KCNIP2: variants seen among roughly 807,000 people sequenced by gnomAD.
The protein encoded by KCNIP2 is potassium voltage-gated channel interacting protein 2.
Under a neutral mutation model 39.0 loss-of-function variants are expected in KCNIP2, and 19 were observed. That is an observed-to-expected ratio of 0.49 (90% CI 0.34 to 0.71). KCNIP2 has a LOEUF of 0.71. Among genes scored for constraint, KCNIP2 ranks in the 30% least tolerant of loss-of-function variants. The probability of loss-of-function intolerance (pLI) is 0.01; values close to 1 mark genes in which losing one functional copy is unlikely to be tolerated. For synonymous variants in KCNIP2, 111 were observed against 131.2 expected (o/e 0.85, Z 1.05); for missense variants, 261 against 346.0 (o/e 0.75, Z 1.95).
intron 3 of KCNIP2, 66 bp downstream of exon 3, chr10:101,829,778 T>C (rs1411986768): frequency 1.3e-5 from 2 of 153,660 alleles, no homozygotes; most frequent in African/African-American, 5.3e-5. Context: ...CCCAGGCAAG[T>C]GCCCCCCACC....
chr10:101,829,883 CT>C lies in KCNIP2; in HGVS notation c.183del (p.Ala62ProfsTer110), dbSNP rs1564663676. ...CGGGGTCTGTGGGGGCGGAGGGAGG[CT>C]GGGGCGGCTAATGCTGAAGGGAGCG... The part of the protein sequence containing the change: ...LPSVSETLAA[P>X]ASLRPHRPRL... On this transcript the variant is annotated frameshift_variant, in exon 3 of 10. Coordinates refer to ENST00000356640, the MANE Select transcript of KCNIP2 (RefSeq NM_173191.3). LOFTEE classifies it high-confidence loss of function. 3 of 1,515,740 alleles carry C rather than the reference CT, an allele frequency of 2.0e-6. No individual in the cohort carries two copies. Among genetic ancestry groups the C allele is most frequent in the Non-Finnish European group, 2.6e-6 (3 of 1,135,084 alleles). The allele number at this position is 1,515,740 out of a possible 1,614,324, so 93.9% of individuals were successfully genotyped here.
chr10:101,836,466 C>A (rs1315581326), intron 1 of KCNIP2, among the ~76,000 whole-genome samples: 1 of 151,944 alleles, frequency 6.6e-6, no homozygotes, highest in Admixed American at 6.6e-5. Flanking sequence ...GAACTCCTGG[C>A]CTGAAGTGAT....
chr10:101,843,665 T>G lies in KCNIP2; in HGVS notation c.-97A>C. The stretch of plus-strand genomic sequence containing the variant: ...GGCGCCCCCTGGCGGCCTACTGTGC[T>G]GTCGGGGCTGGGGAAGTCCGGGCTG... On this transcript the variant is annotated 5_prime_UTR_variant, in exon 1 of 10. Transcript: ENST00000356640. The surrounding 1 kb of genome is among the most constrained non-coding windows in gnomAD (Gnocchi z 6.7). The G allele has an allele frequency of 1.6e-6, 1 of 618,500 alleles. No individual in the cohort carries two copies. The highest frequency in any genetic ancestry group is 2.6e-6 in the Non-Finnish European group (1 of 386,370). 38.3% of individuals were successfully genotyped at this position (618,500 alleles called of 1,614,324 possible).
At chr10:101,829,937 G>A (rs763097435) in intron 2 of KCNIP2, 40 bp from the exon 3 acceptor site, 9 of 1,538,564 alleles carry the variant, frequency 5.8e-6, no homozygotes, top group Non-Finnish European at 7.9e-6. Context: ...CGGAAGACCC[G>A]GCCAACTGCA....
At chr10:101,836,703 C>G (rs1055149280) in intron 1 of KCNIP2, among the ~76,000 whole-genome samples, 1 of 152,074 alleles carries the variant, frequency 6.6e-6, no homozygotes, top group African/African-American at 2.4e-5. Context: ...TGGCTCATGC[C>G]TGTAATCCCA....
chr10:101,836,699 A>G (rs1468427276), intron 1 of KCNIP2, among the ~76,000 whole-genome samples: 3 of 151,966 alleles, frequency 2.0e-5, no homozygotes, highest in Non-Finnish European at 4.4e-5. Flanking sequence ...AAGGTGGCTC[A>G]TGCCTGTAAT....
chr10:101,827,158 C>A lies in KCNIP2; in HGVS notation c.*195G>T. 1.6e-6 allele frequency: 2 copies of A among 1,271,506 alleles called. No homozygotes were observed. 78.8% of individuals were successfully genotyped at this position (1,271,506 alleles called of 1,614,324 possible). ...GCTGGTGGGAGTTGGGAACACCCCC[C>A]GAGATGCACTCTGCCCACTCTCTGG... On this transcript the variant is annotated 3_prime_UTR_variant, in exon 10 of 10. Transcript: ENST00000356640.
At chr10:101,840,818 T>A (rs1050427838) in intron 1 of KCNIP2, among the ~76,000 whole-genome samples, 1 of 152,094 alleles carries the variant, frequency 6.6e-6, no homozygotes, top group Non-Finnish European at 1.5e-5. Context: ...AGCAGCTCCG[T>A]GCGCATGGCT....
intron 1 of KCNIP2, among the ~76,000 whole-genome samples, chr10:101,839,527 C>T (rs1317675512): frequency 6.6e-6 from 1 of 152,116 alleles, no homozygotes; most frequent in Non-Finnish European, 1.5e-5. Context: ...CTTGATGCCC[C>T]TCTCCTTTCC....
chr10:101,833,318 G>T (rs2066052639), intron 1 of KCNIP2, among the ~76,000 whole-genome samples: 1 of 152,106 alleles, frequency 6.6e-6, no homozygotes, highest in Admixed American at 6.5e-5. Flanking sequence ...TTTGGGGTGG[G>T]CTGGGGAGGG....
chr10:101,839,778 C>T lies in KCNIP2; in HGVS notation c.73+3718G>A, dbSNP rs748069793. On this transcript the variant is annotated intron_variant, in intron 1 of 9. Coordinates refer to ENST00000356640, the MANE Select transcript of KCNIP2 (RefSeq NM_173191.3). ...CTGGGGACAGCGACCCAGTCACCAG[C>T]TGGTAGAGGGATCGCGCTGCCTGCC... is the stretch of plus-strand genomic sequence containing the variant. 1.6e-5 allele frequency: 26 copies of T among 1,612,494 alleles called. No homozygotes were observed. The East Asian group carries it at 5.8e-4, about 36-fold the overall frequency.
At chr10:101,836,778 T>C (rs1167461542) in intron 1 of KCNIP2, among the ~76,000 whole-genome samples, 1 of 152,090 alleles carries the variant, frequency 6.6e-6, no homozygotes, top group Non-Finnish European at 1.5e-5. Context: ...CTGGCCAAAA[T>C]GGTGAAACCC....
At chr10:101,836,859 G>A (rs188726671) in intron 1 of KCNIP2, among the ~76,000 whole-genome samples, 1 of 152,314 alleles carries the variant, frequency 6.6e-6, no homozygotes, top group East Asian at 1.9e-4. Context: ...TACTTGGGAG[G>A]CTGAGGCAGG....
intron 1 of KCNIP2, among the ~76,000 whole-genome samples, chr10:101,840,771 A>T (rs551051287): frequency 6.6e-6 from 1 of 152,174 alleles, no homozygotes; most frequent in Non-Finnish European, 1.5e-5. Context: ...ACTCTGGGCA[A>T]ATCTTGTCCA....
chr10:101,829,718 A>AACCCCCC, intron 3 of KCNIP2, 126 bp downstream of exon 3: 1 of 111,666 alleles, frequency 9.0e-6, no homozygotes, highest in Non-Finnish European at 1.8e-5. Context: ...CTCCATCCAG[A>AACCCCCC]CCCCACCCCC....
intron 1 of KCNIP2, among the ~76,000 whole-genome samples, chr10:101,842,778 C>A (rs1589885132): frequency 6.6e-6 from 1 of 152,172 alleles, no homozygotes; most frequent in East Asian, 1.9e-4. Flanking sequence ...AGGGATGAGA[C>A]ACGTCATAGA....
chr10:101,838,884 C>T lies in KCNIP2; in HGVS notation c.73+4612G>A, dbSNP rs957142823. Among the ~76,000 whole-genome samples the T allele has an allele frequency of 6.6e-6, 1 of 152,160 alleles. No homozygotes were observed. On this transcript the variant is annotated intron_variant, in intron 1 of 9. Coordinates refer to ENST00000356640, the MANE Select transcript of KCNIP2 (RefSeq NM_173191.3). The surrounding 1 kb of genome is among the most constrained non-coding windows in gnomAD (Gnocchi z 4.0). ...TGTTTGAGGTCAGGTACAGAGGAGA[C>T]GTTGCGTTCTATGGGCCCTGCCCAA... is the stretch of plus-strand genomic sequence containing the variant.
In KCNIP2 at chr10:101,829,146, G is replaced by C. The variant is rs200389374; in HGVS notation, c.277C>G (p.Leu93Val). The C allele has an allele frequency of 7.4e-6, 12 of 1,614,202 alleles. No individual in the cohort carries two copies. In the East Asian group the frequency reaches 2.7e-4, roughly 36 times the overall value. The change falls in exon 4 of 10, where the codon CTG (leucine) becomes GTG (valine). Residue 93 changes from leucine (L) to valine (V), a missense_variant. Coordinates refer to ENST00000356640, the MANE Select transcript of KCNIP2 (RefSeq NM_173191.3). Reference sequence around the variant, plus strand: ...TTGGTTTGCTCCTGCAGCTGCTCCAGACCCTCAGGCCGGTGACACACGGTG... The same window carrying C: ...TTGGTTTGCTCCTGCAGCTGCTCCACACCCTCAGGCCGGTGACACACGGTG... ...LSTVCHRPEGLEQLQEQTKFT... is the reference protein window; with the variant it reads ...LSTVCHRPEGVEQLQEQTKFT...
chr10:101,831,732 GAGAC>G (rs763193168), intron 1 of KCNIP2, among the ~76,000 whole-genome samples: 10 of 152,092 alleles, frequency 6.6e-5, no homozygotes, highest in Non-Finnish European at 1.3e-4. Flanking sequence ...CATACACATG[GAGAC>G]CCATATAGGC....
Sources: allele counts gnomAD v4.1 joint callset (sites outside exome capture counted in the v4.1 genomes callset), GRCh38; gene constraint gnomAD v4.1.1; non-coding constraint Gnocchi (gnomAD v3.1); transcripts MANE v1.5; gene names NCBI Gene and HGNC (gene_info 2026-07-23, HGNC 2026-07-21).